Variants in CERS3 observed in about 807,000 individuals in gnomAD.
CERS3 encodes LAG1 homolog, ceramide synthase 3.
CERS3 carries 33 observed loss-of-function variants against 50.3 expected under a neutral mutation model. The observed-to-expected ratio is 0.66, with a 90% CI of 0.50 to 0.88. CERS3 has a LOEUF of 0.88. Among genes scored for constraint, CERS3 ranks in the 40% least tolerant of loss-of-function variants. CERS3 has a pLI of 0.00. For missense variants in CERS3, 470 were observed against 460.3 expected, an observed-to-expected ratio of 1.02 and a Z score of -0.19; for synonymous variants, 176 against 155.2, an observed-to-expected ratio of 1.13 and a Z score of -0.99.
rs1466811733 is a variant in CERS3, at chr15:100,479,998, A to C, written c.456T>G (p.Phe152Leu). Residue 152 changes from phenylalanine (F) to leucine (L), a missense_variant, in exon 6 of 12, where the codon TTT becomes TTG. Transcript: ENST00000679737. Reference sequence around the variant, plus strand: ...TAAAAAGATAACTTACATCATAAAGAAACGCAATTCCAGCAACAGTGATCA... The same window carrying C: ...TAAAAAGATAACTTACATCATAAAGCAACGCAATTCCAGCAACAGTGATCA... Reference protein sequence around the residue: ...YLMITVAGIAFLYDKPWLYDL... With the variant: ...YLMITVAGIALLYDKPWLYDL... The C allele has an allele frequency of 1.2e-6, 2 of 1,607,052 alleles. No homozygotes were observed. The highest frequency in any genetic ancestry group is 8.5e-7 in the Non-Finnish European group (1 of 1,177,556).
At chr15:100,440,908 C>T (rs2033650137) in intron 11 of CERS3, among the ~76,000 whole-genome samples, 2 of 152,180 alleles carry the variant, frequency 1.3e-5, no homozygotes, top group South Asian at 4.1e-4. Context: ...CATGTTTTAT[C>T]CATGGACCCA....
At chr15:100,510,543 C>T (rs1030191907) in intron 2 of CERS3, among the ~76,000 whole-genome samples, 2 of 152,156 alleles carry the variant, frequency 1.3e-5, no homozygotes, top group Non-Finnish European at 1.5e-5. Flanking sequence ...TTTTTAGTTA[C>T]ACACCCCCAG....
chr15:100,478,530 C>T (rs990655762), intron 7 of CERS3, among the ~76,000 whole-genome samples: 23 of 152,094 alleles, frequency 1.5e-4, no homozygotes, highest in Admixed American at 1.3e-3. Flanking sequence ...TAACTGCACA[C>T]ATCATGGGTT....
intron 1 of CERS3, among the ~76,000 whole-genome samples, chr15:100,541,766 C>G (rs1441004743): frequency 1.3e-5 from 2 of 152,094 alleles, no homozygotes; most frequent in African/African-American, 4.8e-5. Flanking sequence ...ATTAAATTTA[C>G]TAAAAAGTAG....
rs566810729 is a variant in CERS3, at chr15:100,420,427, G to C, written c.1000-17562C>G. Among the ~76,000 whole-genome samples, 6 of 152,316 alleles carry C rather than the reference G, an allele frequency of 3.9e-5. No individual in the cohort carries two copies. The East Asian group carries it at 1.2e-3, about 29-fold the overall frequency. On this transcript the variant is annotated intron_variant, in intron 11 of 11. Transcript: ENST00000679737. ...TAGACCAATAACAGGATCTGAAATT[G>C]TGGCAATAATCAATAGCTTACCAAC...
At chr15:100,519,055 A>C (rs562710945) in intron 2 of CERS3, among the ~76,000 whole-genome samples, 2 of 152,112 alleles carry the variant, frequency 1.3e-5, no homozygotes, top group African/African-American at 4.8e-5. Flanking sequence ...GCTACTCAGG[A>C]TGCTGAGGCA....
chr15:100,497,363 AATAC>A (rs2035852608), intron 3 of CERS3, among the ~76,000 whole-genome samples: 2 of 151,016 alleles, frequency 1.3e-5, no homozygotes, highest in South Asian at 2.1e-4. Context: ...TAGAGAGAAA[AATAC>A]ATATATATAT....
At chr15:100,419,608 C>T (rs200980692) in intron 11 of CERS3, among the ~76,000 whole-genome samples, 2 of 147,608 alleles carry the variant, frequency 1.4e-5, no homozygotes, top group African/African-American at 5.0e-5. Context: ...GAACTCTCCA[C>T]CCCAAATCAA....
chr15:100,449,821 C>T (rs867047270), intron 11 of CERS3, among the ~76,000 whole-genome samples: 22 of 149,682 alleles, frequency 1.5e-4, no homozygotes, highest in Admixed American at 6.6e-4. Context: ...TTTAAGGACA[C>T]GGAAACATAA....
Position 100,472,917 on chromosome 15 carries a change from C to A in CERS3, c.738+7G>T, listed in dbSNP as rs1252604779. 1.2e-5 allele frequency: 19 copies of A among 1,613,546 alleles called. No homozygotes were observed. Among genetic ancestry groups the A allele is most frequent in the Non-Finnish European group, 1.4e-5 (17 of 1,179,764 alleles). Reference sequence around the variant, plus strand: ...TTGTCATTAGTTTTTTAATGGCAAACGTTTACCTCCAGCCAAATGTCAGCC... The same window carrying A: ...TTGTCATTAGTTTTTTAATGGCAAAAGTTTACCTCCAGCCAAATGTCAGCC... On this transcript the variant is annotated splice_region_variant and intron_variant, in intron 9 of 11. Coordinates refer to ENST00000679737, the MANE Select transcript of CERS3 (RefSeq NM_001378789.1).
chr15:100,409,582 T>G (rs2031318542), intron 11 of CERS3, among the ~76,000 whole-genome samples: 1 of 152,206 alleles, frequency 6.6e-6, no homozygotes, highest in East Asian at 1.9e-4. Flanking sequence ...GGCATCTACG[T>G]ACTCACTAGA....
intron 11 of CERS3, among the ~76,000 whole-genome samples, chr15:100,409,834 C>A (rs1465935643): frequency 6.6e-6 from 1 of 152,188 alleles, no homozygotes; most frequent in Non-Finnish European, 1.5e-5. Flanking sequence ...CAAGAAAACA[C>A]ACGCTTCAAG....
chr15:100,520,687 T>C (rs1485197578), intron 2 of CERS3, among the ~76,000 whole-genome samples: 1 of 152,108 alleles, frequency 6.6e-6, no homozygotes, highest in Admixed American at 6.5e-5. Flanking sequence ...AAACTTTTGG[T>C]AAGGTGTAGA....
At chr15:100,403,250 A>G (rs989881035) in intron 11 of CERS3, among the ~76,000 whole-genome samples, 1 of 152,226 alleles carries the variant, frequency 6.6e-6, no homozygotes, top group Non-Finnish European at 1.5e-5. Flanking sequence ...AATTTGTTCA[A>G]TGCAGCTAAA....
intron 10 of CERS3, among the ~76,000 whole-genome samples, chr15:100,459,445 G>A (rs4965660): frequency 0.49 from 74,753 of 151,928 alleles, 19,591 homozygotes; most frequent in Non-Finnish European, 0.6. Flanking sequence ...CCTGGTATAC[G>A]GCACAATACC....
intron 11 of CERS3, among the ~76,000 whole-genome samples, chr15:100,444,475 C>T (rs779138533): frequency 8.5e-5 from 13 of 152,204 alleles, no homozygotes; most frequent in South Asian, 2.1e-4. Context: ...CCTGATCACA[C>T]TTGGTTTATG....
intron 11 of CERS3, among the ~76,000 whole-genome samples, chr15:100,451,566 G>A (rs190934643): frequency 1.7e-3 from 264 of 152,242 alleles, no homozygotes; most frequent in Non-Finnish European, 3.3e-3. Context: ...AATTAGCCGG[G>A]TGTGGTGGTG....
At chr15:100,534,369 A>T (rs192746977) in intron 1 of CERS3, among the ~76,000 whole-genome samples, 1 of 152,178 alleles carries the variant, frequency 6.6e-6, no homozygotes. Flanking sequence ...ACAGAGTTGT[A>T]AAAACATTGA....
At chr15:100,411,043 C>G (rs1048734851) in intron 11 of CERS3, among the ~76,000 whole-genome samples, 2 of 152,210 alleles carry the variant, frequency 1.3e-5, no homozygotes, top group African/African-American at 4.8e-5. Context: ...ATTCTAAGTA[C>G]CTCATATAAG....
Sources: allele counts gnomAD v4.1 joint callset (sites outside exome capture counted in the v4.1 genomes callset), GRCh38; gene constraint gnomAD v4.1.1; transcripts MANE v1.5; gene names NCBI Gene and HGNC (gene_info 2026-07-23, HGNC 2026-07-21).